TRAPPC12: variants seen among roughly 807,000 people sequenced by gnomAD.
TRAPPC12 encodes trafficking protein particle complex subunit 12.
TRAPPC12 carries 61 observed loss-of-function variants against 69.2 expected under a neutral mutation model. That is an observed-to-expected ratio of 0.88 (90% CI 0.72 to 1.09). The LOEUF (loss-of-function observed/expected upper bound fraction) is 1.09, where lower values mean the gene tolerates loss of function less well. Among genes scored for constraint, TRAPPC12 ranks in the 50% least tolerant of loss-of-function variants. The pLI is 0.00. For synonymous variants in TRAPPC12, 469 were observed against 438.9 expected (o/e 1.07, Z -0.86); for missense variants, 1,101 against 1,016.4 (o/e 1.08, Z -1.13).
At chr2:3,452,353 G>GT (rs1337550094) in intron 6 of TRAPPC12, among the ~76,000 whole-genome samples, 2 of 152,176 alleles carry the variant, frequency 1.3e-5, no homozygotes, top group African/African-American at 4.8e-5. Flanking sequence ...CCTCCACCTG[G>GT]TTCTTTTTGT....
Position 3,478,848 on chromosome 2 carries a change from C to T in TRAPPC12, c.1880C>T (p.Ala627Val), listed in dbSNP as rs768950892. ...QGKIMVLMNS[A>V]FLHLGQNNFA... ...TGCCACCGTTGCTTGTGTTACAGCG[C>T]GTTCCTTCACCTCGGGCAGAATAAC... The change falls in exon 11 of 12, where the codon GCG becomes GTG. Residue 627 changes from alanine to valine, a missense_variant and splice_region_variant. Transcript: ENST00000324266. The T allele has an allele frequency of 9.9e-6, 16 of 1,613,906 alleles. No individual in the cohort carries two copies. Among genetic ancestry groups the T allele is most frequent in the Admixed American group, 5.0e-5 (3 of 60,008 alleles).
In TRAPPC12 at chr2:3,443,108, A is replaced by C. The variant is rs191657046; in HGVS notation, c.1418-671A>C. Reference sequence around the variant, plus strand: ...TGCAGCCACAGGTGATACGATATAAAGGGGGTTTCTCCTGAGCTTCTTCCT... The same window carrying C: ...TGCAGCCACAGGTGATACGATATAACGGGGGTTTCTCCTGAGCTTCTTCCT... On this transcript the variant is annotated intron_variant, in intron 5 of 11. Coordinates refer to ENST00000324266, the MANE Select transcript of TRAPPC12 (RefSeq NM_016030.6). Among the ~76,000 whole-genome samples, 12 of 152,348 alleles carry C rather than the reference A, an allele frequency of 7.9e-5. No homozygotes were observed. The East Asian group carries it at 2.1e-3, about 27-fold the overall frequency.
At position 3,478,844 on chromosome 2, in the gene TRAPPC12, A is replaced by T. The variant is rs139579043; in HGVS notation, c.1878-2A>T. The T allele has an allele frequency of 4.3e-6, 7 of 1,613,872 alleles. No homozygotes were observed. Among genetic ancestry groups the T allele is most frequent in the Non-Finnish European group, 5.1e-6 (6 of 1,179,944 alleles). On this transcript the variant is annotated splice_acceptor_variant, in intron 10 of 11. Coordinates refer to ENST00000324266, the MANE Select transcript of TRAPPC12 (RefSeq NM_016030.6). LOFTEE classifies it high-confidence loss of function. ...TAACTGCCACCGTTGCTTGTGTTAC[A>T]GCGCGTTCCTTCACCTCGGGCAGAA...
At position 3,407,726 on chromosome 2, in the gene TRAPPC12, G is replaced by A. The variant is rs562308436; in HGVS notation, c.1164+5833G>A. Among the ~76,000 whole-genome samples, 11 of 151,988 alleles carry A rather than the reference G, an allele frequency of 7.2e-5. No homozygotes were observed. The East Asian group carries it at 2.1e-3, about 30-fold the overall frequency. On this transcript the variant is annotated intron_variant, in intron 3 of 11. Coordinates refer to ENST00000324266, the MANE Select transcript of TRAPPC12 (RefSeq NM_016030.6). ...CTGAGGCAGGAGAATGGTCTGGGAGGCAGAGCTTGCAGTGAGCCAAGATCA... is the reference window on the plus strand; with the variant it reads ...CTGAGGCAGGAGAATGGTCTGGGAGACAGAGCTTGCAGTGAGCCAAGATCA...
At chr2:3,441,448 C>T (rs1037946816) in intron 5 of TRAPPC12, among the ~76,000 whole-genome samples, 1 of 151,942 alleles carries the variant, frequency 6.6e-6, no homozygotes, top group Non-Finnish European at 1.5e-5. Context: ...TCCTTCACTT[C>T]TAGTACTAGT....
At chr2:3,383,615 C>A (rs1466328525) in intron 1 of TRAPPC12, among the ~76,000 whole-genome samples, 1 of 151,646 alleles carries the variant, frequency 6.6e-6, no homozygotes, top group Non-Finnish European at 1.5e-5. Flanking sequence ...CCATGTCGGC[C>A]AGGCTCATCT....
intron 9 of TRAPPC12, among the ~76,000 whole-genome samples, chr2:3,475,100 G>C (rs1463472386): frequency 6.6e-6 from 1 of 151,812 alleles, no homozygotes; most frequent in Non-Finnish European, 1.5e-5. Context: ...ACTGTTTTTT[G>C]TCTTTTTCTT....
Position 3,401,881 on chromosome 2 carries a change from G to C in TRAPPC12, c.1152G>C (p.Leu384Phe). 6.3e-7 allele frequency: 1 copy of C among 1,584,206 alleles called. No homozygotes were observed. The highest frequency in any genetic ancestry group is 8.6e-7 in the Non-Finnish European group (1 of 1,166,732). The change falls in exon 3 of 12, where the codon TTG (leucine) becomes TTC (phenylalanine). Residue 384 changes from leucine (L) to phenylalanine (F), a missense_variant. Physicochemically the swap from Leu to Phe is conservative, Grantham distance 22 (BLOSUM62 0). Transcript: ENST00000324266. The stretch of plus-strand genomic sequence containing the variant: ...CAGTGGAACAATCTTTTGTTGGATT[G>C]AAACAGCTAATCGTAAGTGACAATG... ...ADSVEQSFVG[L>F]KQLISCRNWR...
chr2:3,391,124 T>C (rs752046154), intron 2 of TRAPPC12, among the ~76,000 whole-genome samples: 2 of 152,196 alleles, frequency 1.3e-5, no homozygotes, highest in Admixed American at 1.3e-4. Context: ...TCAGTTTTAG[T>C]TTATTGCAAC....
At position 3,388,246 on chromosome 2, in the gene TRAPPC12, C is replaced by T. The variant is rs770746825; in HGVS notation, c.623C>T (p.Thr208Met). ...QVVQPSPSLS[T>M]FFGDTAASHS... is the part of the protein sequence containing the mutation. ...GTGCAGCCCAGCCCCAGCCTCAGCA[C>T]GTTCTTCGGAGACACGGCCGCCAGC... The change falls in exon 2 of 12, where the codon ACG becomes ATG. Residue 208 changes from threonine (T) to methionine (M), a missense_variant. Thr to Met is a moderately conservative substitution (Grantham distance 81). Coordinates refer to ENST00000324266, the MANE Select transcript of TRAPPC12 (RefSeq NM_016030.6). The T allele has an allele frequency of 1.2e-6, 2 of 1,608,812 alleles. No individual in the cohort carries two copies. The highest frequency in any genetic ancestry group is 8.5e-7 in the Non-Finnish European group (1 of 1,177,836).
At chr2:3,434,236 T>A (rs1378571442) in intron 5 of TRAPPC12, among the ~76,000 whole-genome samples, 1 of 152,248 alleles carries the variant, frequency 6.6e-6, no homozygotes, top group Admixed American at 6.5e-5. Flanking sequence ...TAGGAGCTGC[T>A]GAGTAAATGT....
At chr2:3,389,572 G>C (rs1336874834) in intron 2 of TRAPPC12, 1 of 438,944 alleles carries the variant, frequency 2.3e-6, no homozygotes, top group Non-Finnish European at 4.8e-6. Context: ...AGCTCTTTTC[G>C]ACCCGCATCT....
chr2:3,465,735 T>G (rs35561008), intron 9 of TRAPPC12, 40 bp downstream of exon 9: 1 of 1,395,530 alleles, frequency 7.2e-7, no homozygotes, highest in Non-Finnish European at 1.0e-6. Flanking sequence ...AAAGGCCTTA[T>G]GATAGTTCTT....
chr2:3,412,358 T>C (rs1662111249), intron 3 of TRAPPC12, among the ~76,000 whole-genome samples: 1 of 152,036 alleles, frequency 6.6e-6, no homozygotes, highest in South Asian at 2.1e-4. Context: ...GTCAGGAGTT[T>C]TAAGACCAGC....
chr2:3,423,894 G>C (rs919936536), intron 4 of TRAPPC12, among the ~76,000 whole-genome samples: 3 of 152,110 alleles, frequency 2.0e-5, no homozygotes, highest in Non-Finnish European at 4.4e-5. Flanking sequence ...AGCACACTGT[G>C]CTCTCTCGTA....
chr2:3,427,451 C>G (rs567759618), intron 5 of TRAPPC12, among the ~76,000 whole-genome samples: 1 of 152,246 alleles, frequency 6.6e-6, no homozygotes, highest in Non-Finnish European at 1.5e-5. Context: ...GCACCAAGTG[C>G]TCTGGTTTCT....
At chr2:3,476,098 AGAC>A (rs1666281911) in intron 9 of TRAPPC12, among the ~76,000 whole-genome samples, 1 of 152,206 alleles carries the variant, frequency 6.6e-6, no homozygotes, top group South Asian at 2.1e-4. Flanking sequence ...CGGACTGTGC[AGAC>A]GACGGGCAGC....
intron 8 of TRAPPC12, among the ~76,000 whole-genome samples, chr2:3,465,141 A>G (rs1317427396): frequency 6.6e-6 from 1 of 152,192 alleles, no homozygotes; most frequent in African/African-American, 2.4e-5. Context: ...TAAAGGTTTG[A>G]CCTTAATTTC....
At chr2:3,396,345 G>A (rs1414158689) in intron 2 of TRAPPC12, among the ~76,000 whole-genome samples, 1 of 151,326 alleles carries the variant, frequency 6.6e-6, no homozygotes, top group Non-Finnish European at 1.5e-5. Flanking sequence ...TCGCTCCTCT[G>A]TACCTAATTG....
Sources: allele counts gnomAD v4.1 joint callset (sites outside exome capture counted in the v4.1 genomes callset), GRCh38; gene constraint gnomAD v4.1.1; transcripts MANE v1.5; gene names NCBI Gene and HGNC (gene_info 2026-07-23, HGNC 2026-07-21).